The following UBQLN4 variants were observed in gnomAD, a reference collection of about 807,000 sequenced individuals.
UBQLN4 encodes ubiquilin-4.
In UBQLN4, 11 loss-of-function variants were observed where a neutral mutation model predicts 60.4. The ratio of observed to expected loss-of-function variants is 0.18; its 90% CI spans 0.11 to 0.30. The LOEUF is 0.30. Among genes scored for constraint, UBQLN4 ranks in the 10% least tolerant of loss-of-function variants. The pLI is 1.00. For synonymous variants in UBQLN4, 258 were observed against 313.1 expected (o/e 0.82, Z 1.86); for missense variants, 417 against 795.5 (o/e 0.52, Z 5.72).
chr1:156,041,243 C>T (rs1683554480), intron 10 of UBQLN4, among the ~76,000 whole-genome samples: 1 of 152,144 alleles, frequency 6.6e-6, no homozygotes, highest in Non-Finnish European at 1.5e-5. Context: ...AAATGAGCTC[C>T]AAAATCTAAA....
At chr1:156,043,956 G>T (rs774447752) in intron 6 of UBQLN4, 42 bp downstream of exon 6, 2 of 1,596,310 alleles carry the variant, frequency 1.3e-6, no homozygotes, top group Non-Finnish European at 1.7e-6. Context: ...CAGAGGGGCT[G>T]CCCTGGTGAC....
At chr1:156,038,197 G>A (rs35603727) in intron 10 of UBQLN4, among the ~76,000 whole-genome samples, 1,881 of 152,230 alleles carry the variant, frequency 0.012, 24 homozygotes, top group Non-Finnish European at 0.016. Context: ...CCAACATGGC[G>A]AAACCCCATG....
In UBQLN4 at chr1:156,050,505, G is replaced by C; in HGVS notation, c.527C>G (p.Ala176Gly). Reference protein sequence around the residue: ...LGLGSLGLGSANFMELQQQMQ... With the variant: ...LGLGSLGLGSGNFMELQQQMQ... ...CTGCTGCTGCAGCTCCATGAAGTTG[G>C]CAGAGCCCAGGCCTAGGCTGCCCAG... Residue 176 changes from alanine (A) to glycine (G), a missense_variant, in exon 4 of 11, where the codon GCC becomes GGC. Ala to Gly is a moderately conservative substitution (Grantham distance 60). Transcript: ENST00000368309. This position sits in a 1 kb window ranked among gnomAD's most constrained non-coding sequence, Gnocchi z 4.6. The C allele has an allele frequency of 6.2e-7, 1 of 1,613,742 alleles. No individual in the cohort carries two copies. Among genetic ancestry groups the C allele is most frequent in the Non-Finnish European group, 8.5e-7 (1 of 1,179,960 alleles).
At chr1:156,052,107 T>C (rs913384199) in intron 1 of UBQLN4, among the ~76,000 whole-genome samples, 26 of 152,154 alleles carry the variant, frequency 1.7e-4, no homozygotes, top group African/African-American at 5.8e-4. Context: ...CCCCTGCTGC[T>C]ATCTGCCTCC....
At chr1:156,031,495 A>T (rs1390079706), downstream of UBQLN4, among the ~76,000 whole-genome samples, 1 of 152,060 alleles carries the variant, frequency 6.6e-6, no homozygotes, top group Non-Finnish European at 1.5e-5. Flanking sequence ...CCTCCCAGTT[A>T]GCCACTCGAT....
At chr1:156,049,875 A>G (rs938393286) in intron 4 of UBQLN4, among the ~76,000 whole-genome samples, 2 of 152,024 alleles carry the variant, frequency 1.3e-5, no homozygotes, top group African/African-American at 4.8e-5. Flanking sequence ...CAAACAACCT[A>G]CTATCTTTCA....
downstream of UBQLN4, among the ~76,000 whole-genome samples, chr1:156,034,320 G>A (rs1288090066): frequency 2.0e-4 from 24 of 118,622 alleles, no homozygotes; most frequent in African/African-American, 5.8e-4. Context: ...TTTTTGAGAC[G>A]GAGTCTTGCT....
At chr1:156,045,690 A>G (rs1683679876) in intron 5 of UBQLN4, among the ~76,000 whole-genome samples, 1 of 152,256 alleles carries the variant, frequency 6.6e-6, no homozygotes, top group Non-Finnish European at 1.5e-5. Flanking sequence ...GTGACATTGC[A>G]AACTGAATGC....
At position 156,048,699 on chromosome 1, in the gene UBQLN4, G is replaced by T; in HGVS notation, c.742-40C>A. On this transcript the variant is annotated intron_variant, in intron 4 of 10. Transcript: ENST00000368309. The surrounding 1 kb of genome is among the most constrained non-coding windows in gnomAD (Gnocchi z 4.9). Reference sequence around the variant, plus strand: ...GAGACAAAATGGGCCCCGGAACCAGGGGAGCACCAACCTAGGAAAAGGGTG... The same window carrying T: ...GAGACAAAATGGGCCCCGGAACCAGTGGAGCACCAACCTAGGAAAAGGGTG... The T allele has an allele frequency of 1.3e-6, 2 of 1,597,730 alleles. No homozygotes were observed. Among genetic ancestry groups the T allele is most frequent in the South Asian group, 1.1e-5 (1 of 90,392 alleles).
downstream of UBQLN4, among the ~76,000 whole-genome samples, chr1:156,031,931 T>TAC (rs1338953133): frequency 1.9e-4 from 27 of 142,284 alleles, no homozygotes; most frequent in Non-Finnish European, 3.4e-4. Context: ...TATATATATA[T>TAC]ACTCATGAAA....
At position 156,036,411 on chromosome 1, in the gene UBQLN4, T is replaced by C. The variant is rs1683405624; in HGVS notation, c.*567A>G. On this transcript the variant is annotated 3_prime_UTR_variant, in exon 11 of 11. Transcript: ENST00000368309. ...AGGCATCTTCCTCCTTACCCTGGAA[T>C]TTCCAACAGTTCCCACCAAAAAGTG... The C allele has an allele frequency of 1.0e-6, 1 of 985,632 alleles. No homozygotes were observed. Among genetic ancestry groups the C allele is most frequent in the Non-Finnish European group, 1.2e-6 (1 of 830,096 alleles). The allele number at this position is 985,632 out of a possible 1,614,324, so 61.1% of individuals were successfully genotyped here.
At chr1:156,045,553 C>G (rs983392905) in intron 5 of UBQLN4, among the ~76,000 whole-genome samples, 1 of 152,244 alleles carries the variant, frequency 6.6e-6, no homozygotes, top group South Asian at 2.1e-4. Context: ...CAACAGTTCT[C>G]AAAGTGTGGT....
intron 10 of UBQLN4, among the ~76,000 whole-genome samples, chr1:156,037,530 A>G (rs1683440432): frequency 6.6e-6 from 1 of 152,198 alleles, no homozygotes; most frequent in Admixed American, 6.5e-5. Context: ...CGGGAGGCGG[A>G]GCTTGCAGTG....
Position 156,050,642 on chromosome 1 carries a change from C to T in UBQLN4, c.479-89G>A. 14 of 1,467,782 alleles carry T rather than the reference C, an allele frequency of 9.5e-6. No individual in the cohort carries two copies. Among genetic ancestry groups the T allele is most frequent in the Non-Finnish European group, 9.0e-7 (1 of 1,105,550 alleles). 90.9% of individuals were successfully genotyped at this position (1,467,782 alleles called of 1,614,324 possible). ...CTGAATTCAGATCTCCAGGACACGCCCCAAATGCTTCTCACATGTCCCTCT... is the reference window on the plus strand; with the variant it reads ...CTGAATTCAGATCTCCAGGACACGCTCCAAATGCTTCTCACATGTCCCTCT... On this transcript the variant is annotated intron_variant, in intron 3 of 10. Coordinates refer to ENST00000368309, the MANE Select transcript of UBQLN4 (RefSeq NM_020131.5). The surrounding 1 kb of genome is among the most constrained non-coding windows in gnomAD (Gnocchi z 4.6).
chr1:156,047,981 CA>C (rs911535666), intron 5 of UBQLN4, among the ~76,000 whole-genome samples: 8 of 148,226 alleles, frequency 5.4e-5, no homozygotes, highest in Middle Eastern at 3.5e-3. Context: ...TGATTAAAAA[CA>C]AAAAAAAAGA....
intron 10 of UBQLN4, among the ~76,000 whole-genome samples, chr1:156,039,685 C>T (rs1683497150): frequency 1.3e-5 from 2 of 151,944 alleles, no homozygotes; most frequent in South Asian, 4.1e-4. Flanking sequence ...CGCCAGTAAT[C>T]CCAGCACTTT....
rs368076466 is a variant in UBQLN4, at chr1:156,041,473, T to C, written c.1653+12A>G. On this transcript the variant is annotated intron_variant, in intron 10 of 10. Coordinates refer to ENST00000368309, the MANE Select transcript of UBQLN4 (RefSeq NM_020131.5). ...TGGTGCTCCCAGCACCTGCCCCCAC[T>C]GCCTCATGTACCTGTGAGTTTCCAC... is the stretch of plus-strand genomic sequence containing the variant. 2 of 1,553,730 alleles carry C rather than the reference T, an allele frequency of 1.3e-6. No individual in the cohort carries two copies. Among genetic ancestry groups the C allele is most frequent in the East Asian group, 4.7e-5 (2 of 42,982 alleles).
At chr1:156,035,099 C>T (rs1683369531), downstream of UBQLN4, among the ~76,000 whole-genome samples, 1 of 151,240 alleles carries the variant, frequency 6.6e-6, no homozygotes. Flanking sequence ...TTTAATATTT[C>T]TTGTTTTTTT....
chr1:156,033,374 G>GT (rs1015548444), downstream of UBQLN4: 164 of 849,214 alleles, frequency 1.9e-4, 1 homozygote, highest in Admixed American at 1.0e-3. Flanking sequence ...ATGATTCCAG[G>GT]TTTTTTTTGT....
Sources: allele counts gnomAD v4.1 joint callset (sites outside exome capture counted in the v4.1 genomes callset), GRCh38; gene constraint gnomAD v4.1.1; non-coding constraint Gnocchi (gnomAD v3.1); transcripts MANE v1.5; gene names NCBI Gene and HGNC (gene_info 2026-07-23, HGNC 2026-07-21).